The following PPP6R2 variants were observed in gnomAD, a reference collection of about 807,000 sequenced individuals.
PPP6R2 encodes the protein protein phosphatase 6 regulatory subunit 2.
In PPP6R2, 62 loss-of-function variants were observed where a neutral mutation model predicts 100.2. The ratio of observed to expected loss-of-function variants is 0.62; its 90% CI spans 0.50 to 0.76. The LOEUF (loss-of-function observed/expected upper bound fraction) is 0.76, where lower values mean the gene tolerates loss of function less well. Among genes scored for constraint, PPP6R2 ranks in the 30% least tolerant of loss-of-function variants. The pLI, the probability that PPP6R2 is intolerant of heterozygous loss-of-function variation, is 0.00. For missense variants in PPP6R2, 1,142 were observed against 1,276.3 expected, an observed-to-expected ratio of 0.89 and a Z score of 1.60; for synonymous variants, 525 against 514.7, an observed-to-expected ratio of 1.02 and a Z score of -0.27.
intron 16 of PPP6R2, 60 bp downstream of exon 16, chr22:50,437,663 G>C (rs112914340): frequency 1.4e-6 from 2 of 1,453,350 alleles, no homozygotes; most frequent in Non-Finnish European, 1.9e-6. Flanking sequence ...CTGAGCTCCC[G>C]TGGAGGCAGC....
At chr22:50,402,031 C>T (rs1482717296) in intron 3 of PPP6R2, among the ~76,000 whole-genome samples, 2 of 152,140 alleles carry the variant, frequency 1.3e-5, no homozygotes, top group African/African-American at 4.8e-5. Flanking sequence ...TGTGTCATCT[C>T]TGAGAACATT....
chr22:50,435,456 G>C (rs2064021995), intron 13 of PPP6R2, among the ~76,000 whole-genome samples: 1 of 152,204 alleles, frequency 6.6e-6, no homozygotes, highest in African/African-American at 2.4e-5. Flanking sequence ...TCTGCACTCA[G>C]GTGATTGGAG....
chr22:50,356,538 T>G (rs1006022534), intron 1 of PPP6R2, among the ~76,000 whole-genome samples: 16 of 152,084 alleles, frequency 1.1e-4, no homozygotes, highest in Non-Finnish European at 2.1e-4. Flanking sequence ...ATTCTTACAT[T>G]AATACAAGTC....
intron 1 of PPP6R2, among the ~76,000 whole-genome samples, chr22:50,352,122 G>T (rs1389379604): frequency 1.3e-5 from 2 of 151,034 alleles, no homozygotes; most frequent in Admixed American, 1.3e-4. Flanking sequence ...GTATTTTTTA[G>T]TAGAGACGGG....
the PPP6R2 span, among the ~76,000 whole-genome samples, chr22:50,337,804 G>A: frequency 6.9e-6 from 1 of 145,270 alleles, no homozygotes; most frequent in South Asian, 2.3e-4. Flanking sequence ...GCTGTGTGGG[G>A]CATGTGTGCT....
intron 13 of PPP6R2, among the ~76,000 whole-genome samples, chr22:50,435,912 ACT>A (rs1479406928): frequency 6.6e-6 from 1 of 151,978 alleles, no homozygotes; most frequent in East Asian, 1.9e-4. Flanking sequence ...TCCTTCCAGG[ACT>A]CTGACCTCCC....
intron 10 of PPP6R2, among the ~76,000 whole-genome samples, chr22:50,427,255 G>A (rs182968032): frequency 4.6e-5 from 7 of 151,618 alleles, no homozygotes. Context: ...GTTCTGTTTC[G>A]TTGGTTTATA....
chr22:50,337,434 T>C, the PPP6R2 span, among the ~76,000 whole-genome samples: 2 of 129,230 alleles, frequency 1.5e-5, no homozygotes, highest in Non-Finnish European at 3.3e-5. Context: ...GGTGTGTGTG[T>C]GCGGTACGTG....
intron 14 of PPP6R2, 116 bp downstream of exon 14, chr22:50,436,568 C>G: frequency 9.9e-7 from 1 of 1,008,798 alleles, no homozygotes; most frequent in Non-Finnish European, 1.5e-6. Flanking sequence ...GCACGCCTGC[C>G]TGCTCCTCTT....
Position 50,355,291 on chromosome 22 carries a change from G to T in PPP6R2, c.-148+11741G>T, listed in dbSNP as rs182481653. On this transcript the variant is annotated intron_variant, in intron 1 of 23. Transcript: ENST00000612753. The stretch of plus-strand genomic sequence containing the variant: ...CTCGCTCTGTAGCCTAGGCTGGAGT[G>T]CAGCGGCGTGATCTCGGCTCACTGC... 4.2e-3 allele frequency among the ~76,000 whole-genome samples: 624 copies of T among 148,896 alleles called. 4 individuals carry two copies. The highest frequency in any genetic ancestry group is 0.015 in the African/African-American group (585 of 40,148).
At chr22:50,363,250 G>T (rs866414192) in intron 1 of PPP6R2, among the ~76,000 whole-genome samples, 1 of 152,068 alleles carries the variant, frequency 6.6e-6, no homozygotes, top group Non-Finnish European at 1.5e-5. Context: ...TGTCTTTTCC[G>T]CCAGCTTCCT....
At chr22:50,368,382 G>T (rs1278433908) in intron 1 of PPP6R2, among the ~76,000 whole-genome samples, 1 of 152,128 alleles carries the variant, frequency 6.6e-6, no homozygotes, top group Admixed American at 6.6e-5. Flanking sequence ...TCCTTTAGTG[G>T]CCCTGTCTGG....
Position 50,419,336 on chromosome 22 carries a change from G to A in PPP6R2, c.732-13G>A. 1 of 1,604,458 alleles carries A rather than the reference G, an allele frequency of 6.2e-7. No individual in the cohort carries two copies. Among genetic ancestry groups the A allele is most frequent in the Non-Finnish European group, 8.5e-7 (1 of 1,171,276 alleles). Reference sequence around the variant, plus strand: ...TGCTCTGCCAGGCAGTGACCTCTGTGTGTGTCCAGCAGGCAGGACTGTGTG... The same window carrying A: ...TGCTCTGCCAGGCAGTGACCTCTGTATGTGTCCAGCAGGCAGGACTGTGTG... On this transcript the variant is annotated splice_polypyrimidine_tract_variant and intron_variant, in intron 7 of 23. Coordinates refer to ENST00000612753, the MANE Select transcript of PPP6R2 (RefSeq NM_001242898.2).
chr22:50,368,715 A>G (rs1330502881), intron 1 of PPP6R2, among the ~76,000 whole-genome samples: 1 of 152,156 alleles, frequency 6.6e-6, no homozygotes, highest in Admixed American at 6.6e-5. Context: ...GCTGGAGTGC[A>G]GTGGTGTGAT....
At chr22:50,398,317 AT>A (rs779441048) in intron 3 of PPP6R2, among the ~76,000 whole-genome samples, 1 of 151,340 alleles carries the variant, frequency 6.6e-6, no homozygotes, top group Non-Finnish European at 1.5e-5. Flanking sequence ...GATTACAGAC[AT>A]GCATCACCAC....
At chr22:50,351,560 T>C (rs2045269244) in intron 1 of PPP6R2, among the ~76,000 whole-genome samples, 1 of 151,958 alleles carries the variant, frequency 6.6e-6, no homozygotes, top group Non-Finnish European at 1.5e-5. Flanking sequence ...CATAGCCTCC[T>C]TCATCAATTG....
chr22:50,395,963 G>A (rs780861196), intron 3 of PPP6R2, among the ~76,000 whole-genome samples: 7 of 151,966 alleles, frequency 4.6e-5, no homozygotes, highest in Non-Finnish European at 7.4e-5. Flanking sequence ...GGGAGGCCAA[G>A]GCGGGCGGAT....
chr22:50,403,406 A>T (rs1481381588), intron 3 of PPP6R2, among the ~76,000 whole-genome samples: 1 of 152,156 alleles, frequency 6.6e-6, no homozygotes, highest in Non-Finnish European at 1.5e-5. Flanking sequence ...GAGGCTGCCA[A>T]CCTGGCCCTC....
chr22:50,349,237 G>A (rs972330820), intron 1 of PPP6R2, among the ~76,000 whole-genome samples: 4 of 149,550 alleles, frequency 2.7e-5, no homozygotes, highest in Non-Finnish European at 5.9e-5. Flanking sequence ...GGTGGTGTGC[G>A]CCTATAGTCC....
Sources: gnomAD v4.1 joint callset for allele counts (sites outside exome capture counted in the v4.1 genomes callset) on GRCh38, gnomAD v4.1.1 for gene constraint, MANE v1.5 for transcripts, NCBI Gene and HGNC (gene_info 2026-07-23, HGNC 2026-07-21) for gene names.